SLC35E4: variants seen among roughly 807,000 people sequenced by gnomAD.
The protein encoded by SLC35E4 is solute carrier family 35, member E4.
A neutral mutation model predicts 19.3 loss-of-function variants in SLC35E4; 15 were observed. The observed-to-expected ratio is 0.78, with a 90% confidence interval of 0.52 to 1.20. The LOEUF is 1.20. Ranked by LOEUF, SLC35E4 falls within the 50% of genes most tolerant of loss-of-function variation. SLC35E4 has a pLI of 0.00. For missense variants in SLC35E4, 406 were observed against 472.3 expected (o/e 0.86, Z 1.30); for synonymous variants, 219 against 219.9 (o/e 1.00, Z 0.04).
At chr22:30,638,120 C>T (rs926024870) in intron 1 of SLC35E4, among the ~76,000 whole-genome samples, 2 of 152,020 alleles carry the variant, frequency 1.3e-5, no homozygotes, top group African/African-American at 4.8e-5. Flanking sequence ...AATCCCAGCA[C>T]TTTGGGAGGC....
chr22:30,638,501 C>CAAAAAA (rs33962458), intron 1 of SLC35E4, among the ~76,000 whole-genome samples: 1 of 64,130 alleles, frequency 1.6e-5, no homozygotes, highest in Non-Finnish European at 3.0e-5. Context: ...GACTCCATCT[C>CAAAAAA]AAAAAAAAAA....
At chr22:30,654,729 C>T (rs2088299693) in intron 2 of SLC35E4, 1 of 296,814 alleles carries the variant, frequency 3.4e-6, no homozygotes, top group Non-Finnish European at 6.6e-6. Flanking sequence ...CGACCACCAC[C>T]TTCCGGCCTG....
chr22:30,655,602 C>T (rs944247906), intron 2 of SLC35E4, among the ~76,000 whole-genome samples: 5 of 151,902 alleles, frequency 3.3e-5, no homozygotes, highest in African/African-American at 1.2e-4. Context: ...AGTATCCCTT[C>T]CATACCCAGG....
At chr22:30,660,457 G>A (rs2088434166) in intron 2 of SLC35E4, among the ~76,000 whole-genome samples, 1 of 152,088 alleles carries the variant, frequency 6.6e-6, no homozygotes, top group Non-Finnish European at 1.5e-5. Context: ...ACAGGTGCAT[G>A]CCACCACACC....
intron 1 of SLC35E4, among the ~76,000 whole-genome samples, chr22:30,638,112 T>C (rs2087979040): frequency 6.6e-6 from 1 of 152,094 alleles, no homozygotes; most frequent in African/African-American, 2.4e-5. Context: ...ATGCCTGTAA[T>C]CCCAGCACTT....
Position 30,636,015 on chromosome 22 carries a change from CT to C in SLC35E4, c.-435del, listed in dbSNP as rs2087938138. ...CAGGCGCGGAGCCCAGATCGCCCCC[CT>C]GCCAGGCCTGGTCACGGCCAGAGCA... On this transcript the variant is annotated 5_prime_UTR_variant, in exon 1 of 2. Coordinates refer to ENST00000343605, the MANE Select transcript of SLC35E4 (RefSeq NM_001001479.4). The C allele has an allele frequency of 6.4e-6, 1 of 155,294 alleles. No homozygotes were observed. The highest frequency in any genetic ancestry group is 6.5e-5 in the Admixed American group (1 of 15,368). The allele number at this position is 155,294 out of a possible 1,614,324, so 9.6% of individuals were successfully genotyped here. A position where few individuals can be genotyped will look rare whatever the true frequency, so the allele number is the denominator to read the frequency against.
intron 1 of SLC35E4, among the ~76,000 whole-genome samples, chr22:30,644,758 C>T (rs2088100810): frequency 2.0e-5 from 3 of 151,632 alleles, no homozygotes; most frequent in Admixed American, 6.6e-5. Flanking sequence ...AATGTCATTT[C>T]GCCTGGGCAA....
At chr22:30,668,623 G>T (rs1466107302) in exon 3 of SLC35E4, 1 of 152,232 alleles carries the variant, frequency 6.6e-6, no homozygotes, top group Non-Finnish European at 1.5e-5. Context: ...GGTGAGCTGT[G>T]ACTCTCCTTA....
chr22:30,637,566 T>G lies in SLC35E4; in HGVS notation c.619+497T>G, dbSNP rs367979104. 5.6e-4 allele frequency among the ~76,000 whole-genome samples: 86 copies of G among 152,302 alleles called. 1 individual carries two copies. The South Asian group carries it at 0.017, about 30-fold the overall frequency. ...ACCCCACCTGGTCAGCTAATTTTTT[T>G]TTTTTATAGACACAGAGTCTTGCTA... On this transcript the variant is annotated intron_variant, in intron 1 of 1. Transcript: ENST00000343605.
downstream of SLC35E4, chr22:30,666,997 G>A (rs2088696168): frequency 6.6e-6 from 1 of 152,136 alleles, no homozygotes; most frequent in Admixed American, 6.6e-5. Context: ...GAGTCGCAAA[G>A]ACCACCTGAA....
In SLC35E4 at chr22:30,636,575, G is replaced by T. The variant is rs1371622362; in HGVS notation, c.125G>T (p.Arg42Leu). ...CCCCCTGGCAGCCCTCAGGCCCTCC[G>T]GCAGCCTGGCCGGGCCCGAGTGGCC... ...EWPPGSPQAL[R>L]QPGRARVAMA... Residue 42 changes from arginine (R) to leucine (L), a missense_variant, in exon 1 of 2, where the codon CGG becomes CTG. Transcript: ENST00000343605. The T allele has an allele frequency of 1.3e-6, 2 of 1,588,560 alleles. No homozygotes were observed. The highest frequency in any genetic ancestry group is 8.6e-7 in the Non-Finnish European group (1 of 1,167,964).
At chr22:30,637,220 G>A (rs2087966845) in intron 1 of SLC35E4, 151 bp downstream of exon 1, 1 of 1,215,028 alleles carries the variant, frequency 8.2e-7, no homozygotes, top group Non-Finnish European at 1.1e-6. Context: ...GGCTCAGAGA[G>A]GGCCAACAGT....
downstream of SLC35E4, chr22:30,663,737 A>T (rs763422948): frequency 1.2e-6 from 2 of 1,614,112 alleles, no homozygotes; most frequent in African/African-American, 2.7e-5. Flanking sequence ...CGCTGTGGAT[A>T]TGGTCAGCAA....
intron 2 of SLC35E4, chr22:30,653,861 A>G (rs1035309198): frequency 6.5e-6 from 1 of 154,862 alleles, no homozygotes; most frequent in Non-Finnish European, 1.4e-5. Context: ...TGAGGAGTAA[A>G]CAGTCTTTAT....
chr22:30,636,470 A>G lies in SLC35E4; in HGVS notation c.20A>G (p.Glu7Gly). The change falls in exon 1 of 2, where the codon GAG becomes GGG. Residue 7 changes from glutamate to glycine, a missense_variant. Coordinates refer to ENST00000343605, the MANE Select transcript of SLC35E4 (RefSeq NM_001001479.4). ...GTGCGGATGTGCCGCTGCCCGCCGG[A>G]GCACCATGATGGCAGGATGACCTCA... Reference protein sequence around the residue: MCRCPPEHHDGRMTSAE... With the variant: MCRCPPGHHDGRMTSAE... The G allele has an allele frequency of 6.7e-7, 1 of 1,503,220 alleles. No individual in the cohort carries two copies. 93.1% of individuals were successfully genotyped at this position (1,503,220 alleles called of 1,614,324 possible).
Position 30,647,302 on chromosome 22 carries a change from G to A in SLC35E4, c.*271G>A, listed in dbSNP as rs758229865. 4.1e-5 allele frequency: 18 copies of A among 442,852 alleles called. No individual in the cohort carries two copies. Among genetic ancestry groups the A allele is most frequent in the Non-Finnish European group, 6.5e-5 (16 of 247,826 alleles). 27.4% of individuals were successfully genotyped at this position (442,852 alleles called of 1,614,324 possible). On this transcript the variant is annotated 3_prime_UTR_variant, in exon 2 of 2. Transcript: ENST00000343605. ...AGTCCCAGCTACATGGGAGGCTAAGGTGGGAGGATCACTTGAGCCCTGGAG... is the reference window on the plus strand; with the variant it reads ...AGTCCCAGCTACATGGGAGGCTAAGATGGGAGGATCACTTGAGCCCTGGAG...
At chr22:30,650,106 C>T (rs182987934), downstream of SLC35E4, among the ~76,000 whole-genome samples, 29 of 149,192 alleles carry the variant, frequency 1.9e-4, 1 homozygote, top group Non-Finnish European at 3.3e-4. Context: ...CCGAGGGGGG[C>T]GGATCACCTG....
At chr22:30,641,718 A>ATTTTTTT (rs56070783) in intron 1 of SLC35E4, among the ~76,000 whole-genome samples, 2 of 108,948 alleles carry the variant, frequency 1.8e-5, no homozygotes, top group African/African-American at 3.4e-5. Flanking sequence ...CTAATTTTTA[A>ATTTTTTT]TTTTTTTTTT....
chr22:30,658,241 A>T (rs2145598908), intron 2 of SLC35E4, among the ~76,000 whole-genome samples: 1 of 152,042 alleles, frequency 6.6e-6, no homozygotes, highest in South Asian at 2.1e-4. Context: ...GGACTCTGAA[A>T]AAGAAATATT....
Sources: allele counts gnomAD v4.1 joint callset (sites outside exome capture counted in the v4.1 genomes callset), GRCh38; gene constraint gnomAD v4.1.1; transcripts MANE v1.5; gene names NCBI Gene and HGNC (gene_info 2026-07-23, HGNC 2026-07-21).